The following SLX4IP variants were observed in gnomAD, a reference collection of about 807,000 sequenced individuals.
SLX4IP encodes SLX4 interacting protein.
A neutral mutation model predicts 32.9 loss-of-function variants in SLX4IP; 34 were observed. That is an observed-to-expected ratio of 1.03 (90% CI 0.79 to 1.38). The LOEUF is 1.38. Among genes scored for constraint, SLX4IP ranks in the 40% most tolerant of loss-of-function variants. The pLI is 0.00. For synonymous variants in SLX4IP, 172 were observed against 171.7 expected (o/e 1.00, Z -0.01); for missense variants, 444 against 479.0 (o/e 0.93, Z 0.68).
At chr20:10,553,595 T>C (rs957273291) in intron 2 of SLX4IP, among the ~76,000 whole-genome samples, 21 of 152,308 alleles carry the variant, frequency 1.4e-4, no homozygotes, top group Admixed American at 4.6e-4. Flanking sequence ...TAACCAACAG[T>C]TGAGAAGGAC....
intron 2 of SLX4IP, among the ~76,000 whole-genome samples, chr20:10,542,336 T>C (rs1439327854): frequency 6.6e-6 from 1 of 152,218 alleles, no homozygotes; most frequent in Non-Finnish European, 1.5e-5. Flanking sequence ...TGTCTCCTTA[T>C]GGTTTCTCTG....
At chr20:10,528,089 A>G (rs1031430004) in intron 2 of SLX4IP, among the ~76,000 whole-genome samples, 2 of 152,154 alleles carry the variant, frequency 1.3e-5, no homozygotes, top group African/African-American at 2.4e-5. Flanking sequence ...ATTGATCATT[A>G]TGGCTGTTGT....
chr20:10,593,539 A>G (rs988015068), intron 4 of SLX4IP, among the ~76,000 whole-genome samples: 23 of 152,148 alleles, frequency 1.5e-4, no homozygotes, highest in Non-Finnish European at 5.9e-5. Flanking sequence ...GTTCAAGACT[A>G]ACCTTGGCAA....
At chr20:10,596,725 G>A (rs1314039367) in intron 4 of SLX4IP, among the ~76,000 whole-genome samples, 1 of 152,068 alleles carries the variant, frequency 6.6e-6, no homozygotes, top group Non-Finnish European at 1.5e-5. Context: ...AAATTTTGCT[G>A]TATGTGTTTG....
chr20:10,577,090 A>G (rs2066531561), intron 4 of SLX4IP, among the ~76,000 whole-genome samples: 1 of 152,242 alleles, frequency 6.6e-6, no homozygotes, highest in African/African-American at 2.4e-5. Context: ...ACTTAAATAG[A>G]AAATATTTTT....
intron 4 of SLX4IP, among the ~76,000 whole-genome samples, chr20:10,574,227 T>A (rs2066497427): frequency 6.6e-6 from 1 of 152,196 alleles, no homozygotes; most frequent in African/African-American, 2.4e-5. Context: ...TACAAGAAAT[T>A]AAAATTCAAA....
intron 4 of SLX4IP, among the ~76,000 whole-genome samples, chr20:10,568,305 C>G (rs1035898278): frequency 6.6e-6 from 1 of 152,180 alleles, no homozygotes; most frequent in Non-Finnish European, 1.5e-5. Flanking sequence ...AGTAGTGTCA[C>G]TGAAGCAGAA....
At chr20:10,553,566 C>CCTTAAAGG (rs1344822629) in intron 2 of SLX4IP, among the ~76,000 whole-genome samples, 2 of 152,182 alleles carry the variant, frequency 1.3e-5, no homozygotes, top group Non-Finnish European at 2.9e-5. Context: ...GCAGCATACT[C>CCTTAAAGG]CTTAAAGGTT....
chr20:10,540,177 T>TTCCC (rs1244054361), intron 2 of SLX4IP, among the ~76,000 whole-genome samples: 2 of 146,770 alleles, frequency 1.4e-5, no homozygotes, highest in East Asian at 2.1e-4. Flanking sequence ...CCTTCCTTCC[T>TTCCC]TCCCTCCCTC....
intron 2 of SLX4IP, among the ~76,000 whole-genome samples, chr20:10,479,656 T>A (rs1301531875): frequency 2.7e-5 from 4 of 146,084 alleles, no homozygotes; most frequent in African/African-American, 1.0e-4. Context: ...TCGAATTGCA[T>A]ATTTCTATTA....
chr20:10,460,553 G>C (rs190351511), intron 2 of SLX4IP, among the ~76,000 whole-genome samples: 7 of 152,278 alleles, frequency 4.6e-5, no homozygotes, highest in Admixed American at 1.3e-4. Context: ...GTTCTGCATG[G>C]CTTGGGCATC....
intron 4 of SLX4IP, among the ~76,000 whole-genome samples, chr20:10,568,477 C>T (rs556177608): frequency 7.4e-4 from 112 of 152,294 alleles, no homozygotes; most frequent in African/African-American, 2.6e-3. Flanking sequence ...GCTGAGAGAT[C>T]GCCTCTGGAA....
intron 1 of SLX4IP, among the ~76,000 whole-genome samples, chr20:10,451,481 AG>A (rs1454120788): frequency 6.6e-6 from 1 of 152,160 alleles, no homozygotes; most frequent in African/African-American, 2.4e-5. Flanking sequence ...GTTTAAAAAA[AG>A]GCTCTCAAAC....
chr20:10,456,739 G>A (rs550524042), intron 1 of SLX4IP, among the ~76,000 whole-genome samples: 8 of 152,156 alleles, frequency 5.3e-5, no homozygotes, highest in East Asian at 1.9e-4. Context: ...TTTCATATAC[G>A]TTTTAGGATA....
At chr20:10,489,968 C>T (rs1473132756) in intron 2 of SLX4IP, among the ~76,000 whole-genome samples, 1 of 152,140 alleles carries the variant, frequency 6.6e-6, no homozygotes, top group African/African-American at 2.4e-5. Context: ...CTCTACCCCA[C>T]CCATACATCT....
In SLX4IP at chr20:10,598,721, C is replaced by T. The variant is rs1246036262; in HGVS notation, c.285C>T (p.Arg95=). The change falls in exon 5 of 8, where the codon CGC becomes CGT. Residue 95 remains arginine (R), a synonymous_variant. Coordinates refer to ENST00000334534, the MANE Select transcript of SLX4IP (RefSeq NM_001009608.3). ...CCTATTTCCTCAAGAGAGGGATACG[C>T]CTTCGCTGCATCAGGAGCACACAGA... is the stretch of plus-strand genomic sequence containing the variant. ...ITAYFLKRGI[R]LRCIRSTQNA... 6.2e-7 allele frequency: 1 copy of T among 1,614,062 alleles called. No homozygotes were observed. Among genetic ancestry groups the T allele is most frequent in the Non-Finnish European group, 8.5e-7 (1 of 1,180,010 alleles).
chr20:10,571,413 A>G (rs2066464204), intron 4 of SLX4IP, among the ~76,000 whole-genome samples: 1 of 151,176 alleles, frequency 6.6e-6, no homozygotes, highest in African/African-American at 2.4e-5. Flanking sequence ...TCAGCTTGTC[A>G]CTCTCCCCTA....
rs2067127954 is a variant in SLX4IP, at chr20:10,622,817, C to G, written c.665C>G (p.Ala222Gly). The change falls in exon 8 of 8, where the codon GCA becomes GGA. Residue 222 changes from alanine (A) to glycine (G), a missense_variant. Coordinates refer to ENST00000334534, the MANE Select transcript of SLX4IP (RefSeq NM_001009608.3). ...SSPPSESMGQ[A>G]KDSIKAAESH... The stretch of plus-strand genomic sequence containing the variant: ...CCCCCATCAGAATCCATGGGACAAG[C>G]AAAGGATTCCATAAAGGCAGCTGAG... 1.2e-6 allele frequency: 2 copies of G among 1,614,134 alleles called. No homozygotes were observed. Among genetic ancestry groups the G allele is most frequent in the Non-Finnish European group, 1.7e-6 (2 of 1,180,028 alleles).
At chr20:10,508,581 A>AT (rs1177240559) in intron 2 of SLX4IP, among the ~76,000 whole-genome samples, 3 of 152,174 alleles carry the variant, frequency 2.0e-5, no homozygotes, top group African/African-American at 7.2e-5. Flanking sequence ...TGCTATATCC[A>AT]TTCATGCTCC....
Sources: gnomAD v4.1 joint callset for allele counts (sites outside exome capture counted in the v4.1 genomes callset) on GRCh38, gnomAD v4.1.1 for gene constraint, MANE v1.5 for transcripts, NCBI Gene and HGNC (gene_info 2026-07-23, HGNC 2026-07-21) for gene names.